The following LRRC4C variants were observed in gnomAD, a reference collection of about 807,000 sequenced individuals.
LRRC4C encodes leucine rich repeat containing 4C.
LRRC4C carries 5 observed loss-of-function variants against 33.6 expected under a neutral mutation model. That is an observed-to-expected ratio of 0.15 (90% CI 0.08 to 0.31). LRRC4C has a LOEUF of 0.31. LRRC4C is among the 10% of genes least tolerant of loss of function. The pLI is 1.00. For missense variants in LRRC4C, 560 were observed against 796.7 expected, an observed-to-expected ratio of 0.70 and a Z score of 3.58; for synonymous variants, 329 against 302.0, an observed-to-expected ratio of 1.09 and a Z score of -0.93.
chr11:40,404,863 A>G (rs905744897), intron 3 of LRRC4C, among the ~76,000 whole-genome samples: 1 of 149,580 alleles, frequency 6.7e-6, no homozygotes, highest in African/African-American at 2.5e-5. Flanking sequence ...AATATATGAT[A>G]TATATATAAT....
At chr11:41,307,288 C>T (rs1420079746) in intron 1 of LRRC4C, among the ~76,000 whole-genome samples, 8 of 151,828 alleles carry the variant, frequency 5.3e-5, no homozygotes, top group Middle Eastern at 3.2e-3. Context: ...AAAAAGAAGA[C>T]GATTCCTCCT....
At chr11:40,229,456 A>G (rs1426140258) in intron 5 of LRRC4C, among the ~76,000 whole-genome samples, 1 of 152,040 alleles carries the variant, frequency 6.6e-6, no homozygotes, top group Admixed American at 6.6e-5. Context: ...TATTTTTAGT[A>G]GAAACGGGGT....
intron 1 of LRRC4C, among the ~76,000 whole-genome samples, chr11:41,014,196 C>G (rs929247261): frequency 7.9e-5 from 12 of 152,122 alleles, no homozygotes; most frequent in African/African-American, 2.9e-4. Context: ...TCAATCTTCT[C>G]CCCAAAGCCC....
intron 1 of LRRC4C, among the ~76,000 whole-genome samples, chr11:40,960,909 C>G (rs1850936123): frequency 6.6e-6 from 1 of 151,688 alleles, no homozygotes; most frequent in Non-Finnish European, 1.5e-5. Context: ...CAGCTCAGGT[C>G]ATATCCATGG....
At position 40,274,085 on chromosome 11, in the gene LRRC4C, AGCTGGG is replaced by A. The variant is rs899186269; in HGVS notation, c.-175-32493_-175-32488del. On this transcript the variant is annotated intron_variant, in intron 4 of 6. Coordinates refer to ENST00000528697, the MANE Select transcript of LRRC4C (RefSeq NM_001258419.2). ...AGTAGAACTGGAGCTGTGGCCAGTA[AGCTGGG>A]GCAGAAAAAGAACAAGAAATGATTA... Among the ~76,000 whole-genome samples, 23 of 152,190 alleles carry A rather than the reference AGCTGGG, an allele frequency of 1.5e-4. 1 individual carries two copies. In the East Asian group the frequency reaches 1.5e-3, roughly 10 times the overall value.
At chr11:40,463,757 T>C (rs1371424841) in intron 3 of LRRC4C, among the ~76,000 whole-genome samples, 2 of 152,066 alleles carry the variant, frequency 1.3e-5, no homozygotes, top group African/African-American at 4.8e-5. Flanking sequence ...GGGAATCATA[T>C]TTAAAATTAA....
At chr11:40,782,118 C>T (rs1264385046) in intron 2 of LRRC4C, among the ~76,000 whole-genome samples, 1 of 152,174 alleles carries the variant, frequency 6.6e-6, no homozygotes, top group Non-Finnish European at 1.5e-5. Context: ...TTCCAAACAA[C>T]AGCCTCCCAG....
intron 2 of LRRC4C, among the ~76,000 whole-genome samples, chr11:40,878,507 A>G (rs1369693817): frequency 6.6e-6 from 1 of 152,180 alleles, no homozygotes; most frequent in Non-Finnish European, 1.5e-5. Flanking sequence ...AATTCACAAT[A>G]CGGTTAGTGC....
chr11:40,254,253 A>G (rs1180166151), intron 4 of LRRC4C, among the ~76,000 whole-genome samples: 1 of 152,244 alleles, frequency 6.6e-6, no homozygotes, highest in East Asian at 1.9e-4. Flanking sequence ...ATAAAATACC[A>G]TGTTAGCCAT....
At chr11:40,878,703 A>G (rs1955032566) in intron 2 of LRRC4C, among the ~76,000 whole-genome samples, 1 of 152,150 alleles carries the variant, frequency 6.6e-6, no homozygotes, top group African/African-American at 2.4e-5. Flanking sequence ...ATGACTTAAC[A>G]TTTTATCTGC....
At chr11:40,135,991 A>G (rs556434506) in intron 6 of LRRC4C, among the ~76,000 whole-genome samples, 4 of 152,356 alleles carry the variant, frequency 2.6e-5, no homozygotes, top group Non-Finnish European at 2.9e-5. Flanking sequence ...CAGAACTAGA[A>G]GAGGGCTGGA....
intron 2 of LRRC4C, among the ~76,000 whole-genome samples, chr11:40,655,132 C>T (rs117968401): frequency 0.019 from 2,903 of 152,290 alleles, 44 homozygotes; most frequent in South Asian, 0.036. Context: ...TATAGGGTCC[C>T]TTTTCAACTT....
chr11:40,950,601 C>A (rs1259283751), intron 1 of LRRC4C, among the ~76,000 whole-genome samples: 1 of 151,866 alleles, frequency 6.6e-6, no homozygotes, highest in East Asian at 1.9e-4. Context: ...CTTATGATAA[C>A]AAATATGCTA....
At chr11:40,419,954 G>C (rs1051582709) in intron 3 of LRRC4C, among the ~76,000 whole-genome samples, 2 of 152,220 alleles carry the variant, frequency 1.3e-5, no homozygotes, top group Non-Finnish European at 2.9e-5. Flanking sequence ...GGGGAGGATA[G>C]ATAAGTGAAG....
rs1288386447 is a variant in LRRC4C, at chr11:40,616,588, T to G, written c.-270+31554A>C. 2.0e-5 allele frequency among the ~76,000 whole-genome samples: 3 copies of G among 151,870 alleles called. No individual in the cohort carries two copies. The East Asian group carries it at 5.8e-4, about 29-fold the overall frequency. On this transcript the variant is annotated intron_variant, in intron 3 of 6. Transcript: ENST00000528697. ...TGGAATACTATGCAGCCATTAAAAA[T>G]GATGAGTTCATGTCCTTTGTAGGGA...
chr11:40,596,827 G>A (rs1959375411), intron 3 of LRRC4C, among the ~76,000 whole-genome samples: 1 of 152,052 alleles, frequency 6.6e-6, no homozygotes, highest in African/African-American at 2.4e-5. Flanking sequence ...GCATTCCCAT[G>A]TTTATTACAA....
chr11:40,882,273 A>G (rs1405559444), intron 2 of LRRC4C, among the ~76,000 whole-genome samples: 1 of 152,022 alleles, frequency 6.6e-6, no homozygotes, highest in Non-Finnish European at 1.5e-5. Flanking sequence ...ATAGTTCCCT[A>G]TGGATACAGT....
At chr11:40,963,252 C>T (rs2136895830) in intron 1 of LRRC4C, among the ~76,000 whole-genome samples, 1 of 151,834 alleles carries the variant, frequency 6.6e-6, no homozygotes, top group South Asian at 2.1e-4. Context: ...TAATACAATG[C>T]AATGCTATTA....
At chr11:41,402,247 T>G (rs1351320677) in intron 1 of LRRC4C, among the ~76,000 whole-genome samples, 1 of 152,052 alleles carries the variant, frequency 6.6e-6, no homozygotes, top group African/African-American at 2.4e-5. Flanking sequence ...CAAACAATGA[T>G]GAAAGCCTTG....
Sources: gnomAD v4.1 joint callset for allele counts (sites outside exome capture counted in the v4.1 genomes callset) on GRCh38, gnomAD v4.1.1 for gene constraint, MANE v1.5 for transcripts, NCBI Gene and HGNC (gene_info 2026-07-23, HGNC 2026-07-21) for gene names.